Variants in RBM39 observed in about 807,000 individuals in gnomAD.
RBM39 encodes the protein RNA-binding protein 39.
Under a neutral mutation model 79.6 loss-of-function variants are expected in RBM39, and 12 were observed. The observed-to-expected ratio is 0.15, with a 90% CI of 0.10 to 0.24. RBM39 has a LOEUF of 0.24. Ranked by LOEUF, RBM39 falls within the 10% of genes least tolerant of loss-of-function variation. The pLI is 1.00. For synonymous variants in RBM39, 185 were observed against 208.4 expected (o/e 0.89, Z 0.97); for missense variants, 243 against 653.4 (o/e 0.37, Z 6.85).
intron 8 of RBM39, among the ~76,000 whole-genome samples, chr20:35,722,937 A>AG (rs1453873772): frequency 7.3e-6 from 1 of 137,522 alleles, no homozygotes; most frequent in East Asian, 2.1e-4. Context: ...CCGTCTCAAG[A>AG]GAAAAAAAAA....
At chr20:35,729,864 A>G (rs1258765874) in intron 4 of RBM39, among the ~76,000 whole-genome samples, 3 of 151,652 alleles carry the variant, frequency 2.0e-5, no homozygotes, top group Non-Finnish European at 4.4e-5. Context: ...AAACACACAC[A>G]CACATATATA....
chr20:35,741,276 C>A (rs2040506128), intron 1 of RBM39, among the ~76,000 whole-genome samples: 1 of 151,826 alleles, frequency 6.6e-6, no homozygotes, highest in Admixed American at 6.6e-5. Context: ...TCAAGTGATC[C>A]GCCTGCCTCT....
At chr20:35,705,471 C>A in intron 14 of RBM39, 141 bp from the exon 15 acceptor site, 1 of 567,540 alleles carries the variant, frequency 1.8e-6, no homozygotes, top group South Asian at 2.3e-5. Context: ...CGTCTCTGCC[C>A]CAAAGAACAC....
At chr20:35,723,408 T>C (rs2146616382) in intron 8 of RBM39, among the ~76,000 whole-genome samples, 1 of 152,286 alleles carries the variant, frequency 6.6e-6, no homozygotes, top group East Asian at 1.9e-4. Context: ...GCCACTAAGT[T>C]TGTCTTCCAA....
In RBM39 at chr20:35,742,155, C is replaced by G. The variant is rs1450290697; in HGVS notation, c.-228G>C. The G allele has an allele frequency of 6.2e-6, 1 of 161,908 alleles. No individual in the cohort carries two copies. The highest frequency in any genetic ancestry group is 1.4e-5 in the Non-Finnish European group (1 of 72,808). The allele number at this position is 161,908 out of a possible 1,614,324, so 10.0% of individuals were successfully genotyped here. On this transcript the variant is annotated 5_prime_UTR_variant, in exon 1 of 17. Transcript: ENST00000253363. ...AATTAGAGAAGCCCACGCGGGAGAG[C>G]AGGACGGCGGCTTCGGCAGCTCAGG...
chr20:35,734,195 T>C, intron 3 of RBM39: 1 of 1,302,164 alleles, frequency 7.7e-7, no homozygotes, highest in Non-Finnish European at 1.0e-6. Flanking sequence ...CCTTCTGGAA[T>C]CTTGAAACCC....
chr20:35,709,428 G>C, intron 12 of RBM39, 154 bp from the exon 13 acceptor site: 1 of 596,394 alleles, frequency 1.7e-6, no homozygotes, highest in South Asian at 2.4e-5. Context: ...CATTGAGAAG[G>C]CTTTGGGGCC....
chr20:35,702,198 A>C lies in RBM39; in HGVS notation c.*2283T>G, dbSNP rs1386004428. On this transcript the variant is annotated 3_prime_UTR_variant, in exon 17 of 17. Transcript: ENST00000253363. ...AGAACTTTCAAAGATGGTAGTAATTATTATAAAGATAAAAGAAAACTAGAT... is the reference window on the plus strand; with the variant it reads ...AGAACTTTCAAAGATGGTAGTAATTCTTATAAAGATAAAAGAAAACTAGAT... The C allele has an allele frequency of 6.6e-6, 1 of 152,226 alleles. No individual in the cohort carries two copies. Among genetic ancestry groups the C allele is most frequent in the East Asian group, 1.9e-4 (1 of 5,206 alleles). The allele number at this position is 152,226 out of a possible 1,614,324, so 9.4% of individuals were successfully genotyped here. A position where few individuals can be genotyped will look rare whatever the true frequency, so the allele number is the denominator to read the frequency against.
chr20:35,716,567 GAA>G (rs912892706), intron 10 of RBM39, among the ~76,000 whole-genome samples, 171 bp downstream of exon 10: 2 of 151,844 alleles, frequency 1.3e-5, no homozygotes, highest in Non-Finnish European at 2.9e-5. Flanking sequence ...CCTTTGTTGT[GAA>G]AAAAACTTTT....
chr20:35,720,670 C>G (rs2037800153), intron 9 of RBM39, among the ~76,000 whole-genome samples: 1 of 151,794 alleles, frequency 6.6e-6, no homozygotes, highest in Non-Finnish European at 1.5e-5. Context: ...ACTCGGAAGG[C>G]TAAAGCAAGA....
Position 35,724,551 on chromosome 20 carries a change from T to C in RBM39, c.687+19A>G, listed in dbSNP as rs1199347599. The C allele has an allele frequency of 6.2e-7, 1 of 1,612,518 alleles. No individual in the cohort carries two copies. The highest frequency in any genetic ancestry group is 8.5e-7 in the Non-Finnish European group (1 of 1,179,018). On this transcript the variant is annotated intron_variant, in intron 8 of 16. Transcript: ENST00000253363. ...TCAACACCACCAATAATCAAACTCT[T>C]AACCAACAAAAAAATTACCTGTGAT...
intron 8 of RBM39, 149 bp downstream of exon 8, chr20:35,724,421 A>C (rs1432986412): frequency 6.1e-6 from 4 of 659,154 alleles, no homozygotes; most frequent in Middle Eastern, 4.6e-4. Flanking sequence ...CAATGTTAAT[A>C]AACGCAAAGT....
chr20:35,736,702 G>A (rs1569075745), intron 3 of RBM39: 2 of 411,862 alleles, frequency 4.9e-6, no homozygotes, highest in Non-Finnish European at 4.9e-6. Flanking sequence ...CCAGGCTGGA[G>A]TACAATGGCA....
chr20:35,705,903 T>A (rs914766814), intron 14 of RBM39, among the ~76,000 whole-genome samples: 15 of 151,902 alleles, frequency 9.9e-5, no homozygotes, highest in African/African-American at 3.6e-4. Flanking sequence ...TGAAAGTGAC[T>A]TTTAAATAGT....
At chr20:35,710,590 T>C (rs1212028261) in intron 12 of RBM39, 1 of 152,192 alleles carries the variant, frequency 6.6e-6, no homozygotes, top group Non-Finnish European at 1.5e-5. Context: ...CCTATCAAAC[T>C]GGCAGAATAA....
intron 13 of RBM39, chr20:35,707,864 G>A (rs901486591): frequency 2.2e-6 from 1 of 462,814 alleles, no homozygotes; most frequent in African/African-American, 2.0e-5. Flanking sequence ...AGTTTAAAGA[G>A]CATTTTCCAA....
chr20:35,712,700 A>G (rs1192488209), intron 12 of RBM39, among the ~76,000 whole-genome samples: 2 of 152,070 alleles, frequency 1.3e-5, no homozygotes, highest in Non-Finnish European at 2.9e-5. Flanking sequence ...CTAAATTCTA[A>G]TATTATAAAT....
chr20:35,733,136 C>A (rs2039545863), intron 3 of RBM39, among the ~76,000 whole-genome samples: 1 of 151,964 alleles, frequency 6.6e-6, no homozygotes, highest in African/African-American at 2.4e-5. Context: ...AATCCCCTCT[C>A]TACCAAAAAT....
chr20:35,712,976 A>G (rs368639928), intron 12 of RBM39, 43 bp downstream of exon 12: 15 of 1,544,552 alleles, frequency 9.7e-6, no homozygotes, highest in Non-Finnish European at 1.3e-5. Flanking sequence ...TTTTCGAATT[A>G]GATGAAAAAA....
Sources: allele counts gnomAD v4.1 joint callset (sites outside exome capture counted in the v4.1 genomes callset), GRCh38; gene constraint gnomAD v4.1.1; transcripts MANE v1.5; gene names NCBI Gene and HGNC (gene_info 2026-07-23, HGNC 2026-07-21).